CDK6: variants seen among roughly 807,000 people sequenced by gnomAD.
CDK6 encodes cyclin-dependent kinase 6.
CDK6 carries 6 observed loss-of-function variants against 37.1 expected under a neutral mutation model. That is an observed-to-expected ratio of 0.16 (90% confidence interval 0.09 to 0.32). CDK6 has a LOEUF of 0.32. Among genes scored for constraint, CDK6 ranks in the 10% least tolerant of loss-of-function variants. CDK6 has a pLI of 1.00. For missense variants in CDK6, 224 were observed against 418.9 expected, an observed-to-expected ratio of 0.53 and a Z score of 4.06; for synonymous variants, 160 against 161.3, an observed-to-expected ratio of 0.99 and a Z score of 0.06.
intron 4 of CDK6, among the ~76,000 whole-genome samples, chr7:92,723,550 A>G (rs893743125): frequency 6.6e-6 from 1 of 152,208 alleles, no homozygotes; most frequent in African/African-American, 2.4e-5. Flanking sequence ...ACGCATTACT[A>G]TATTAAATGG....
rs532043327 is a variant in CDK6 at position 92,786,656 on chromosome 7, T to A, written c.234-11825A>T. Among the ~76,000 whole-genome samples, 70 of 146,276 alleles carry A rather than the reference T, an allele frequency of 4.8e-4. 1 individual carries two copies. Among genetic ancestry groups the A allele is most frequent in the African/African-American group, 1.3e-3 (54 of 40,100 alleles). ...GTATACATATATATATATATATATA[T>A]AAATAATCTGGCTCTGTGTGTGTAT... On this transcript the variant is annotated intron_variant, in intron 2 of 7. Coordinates refer to ENST00000424848, the MANE Select transcript of CDK6 (RefSeq NM_001145306.2).
At chr7:92,662,045 T>C (rs1585378578) in intron 5 of CDK6, among the ~76,000 whole-genome samples, 1 of 152,064 alleles carries the variant, frequency 6.6e-6, no homozygotes, top group East Asian at 1.9e-4. Flanking sequence ...TTTTCCAGAA[T>C]GGAGAGACAA....
chr7:92,762,616 G>GTA (rs1799484790), intron 3 of CDK6, among the ~76,000 whole-genome samples: 1 of 147,968 alleles, frequency 6.8e-6, no homozygotes, highest in Non-Finnish European at 1.5e-5. Flanking sequence ...CACCCAGGCT[G>GTA]TAGCGCAGTG....
intron 4 of CDK6, among the ~76,000 whole-genome samples, chr7:92,700,058 G>C (rs1262484697): frequency 6.6e-6 from 1 of 152,196 alleles, no homozygotes; most frequent in East Asian, 1.9e-4. Context: ...CCACAGGGGT[G>C]AGGCGGGGTG....
chr7:92,716,029 T>C (rs1201435899), intron 4 of CDK6, among the ~76,000 whole-genome samples: 24 of 152,166 alleles, frequency 1.6e-4, no homozygotes, highest in Admixed American at 1.6e-3. Flanking sequence ...CAGACACACA[T>C]TCAAAGTGTA....
At chr7:92,727,912 C>T (rs907833435) in intron 3 of CDK6, among the ~76,000 whole-genome samples, 5 of 152,140 alleles carry the variant, frequency 3.3e-5, no homozygotes, top group African/African-American at 1.2e-4. Context: ...AACACATGCA[C>T]ACAACTTGTA....
At chr7:92,820,831 AACAG>A (rs1801153803) in intron 2 of CDK6, among the ~76,000 whole-genome samples, 1 of 152,050 alleles carries the variant, frequency 6.6e-6, no homozygotes, top group Non-Finnish European at 1.5e-5. Flanking sequence ...AAGCACCAAA[AACAG>A]ACAGTGAAAA....
intron 3 of CDK6, among the ~76,000 whole-genome samples, chr7:92,738,397 T>G (rs1309526264): frequency 2.0e-5 from 3 of 152,136 alleles, no homozygotes; most frequent in Admixed American, 1.3e-4. Context: ...CCCAGCACTT[T>G]GGGAGGCCAT....
chr7:92,623,488 C>A (rs749659464), intron 5 of CDK6, among the ~76,000 whole-genome samples: 2 of 152,204 alleles, frequency 1.3e-5, no homozygotes, highest in Non-Finnish European at 2.9e-5. Context: ...TTCCATACTA[C>A]TCTGCTATCA....
chr7:92,771,642 G>A (rs970269713), intron 3 of CDK6, among the ~76,000 whole-genome samples: 2 of 152,098 alleles, frequency 1.3e-5, no homozygotes, highest in East Asian at 1.9e-4. Flanking sequence ...TTCAGAGCAG[G>A]TCCTCTCTTT....
intron 3 of CDK6, among the ~76,000 whole-genome samples, chr7:92,767,571 T>C (rs774911431): frequency 2.6e-5 from 4 of 152,190 alleles, no homozygotes; most frequent in Admixed American, 6.5e-5. Context: ...ATTTGGAATA[T>C]ACTCAGTATT....
intron 4 of CDK6, among the ~76,000 whole-genome samples, chr7:92,705,464 G>A (rs1392461848): frequency 6.6e-6 from 1 of 152,170 alleles, no homozygotes; most frequent in Non-Finnish European, 1.5e-5. Flanking sequence ...GTCTCAAAGA[G>A]CTTTGAGCAG....
intron 4 of CDK6, among the ~76,000 whole-genome samples, chr7:92,686,260 G>A (rs1034947991): frequency 3.9e-5 from 6 of 152,098 alleles, no homozygotes; most frequent in Non-Finnish European, 7.4e-5. Flanking sequence ...TACCCAATGT[G>A]TAGTCTTTTA....
chr7:92,789,771 T>A (rs1014807034), intron 2 of CDK6, among the ~76,000 whole-genome samples: 13 of 152,336 alleles, frequency 8.5e-5, no homozygotes, highest in Non-Finnish European at 1.6e-4. Context: ...AATATCCTTA[T>A]AAAGTATATA....
chr7:92,799,197 A>C (rs953157700), intron 2 of CDK6, among the ~76,000 whole-genome samples: 1 of 152,084 alleles, frequency 6.6e-6, no homozygotes, highest in African/African-American at 2.4e-5. Flanking sequence ...TTTGTGCTAC[A>C]CTTTCTCACT....
Position 92,671,505 on chromosome 7 carries a change from C to G in CDK6, c.568G>C (p.Val190Leu), listed in dbSNP as rs2116603155. The change falls in exon 5 of 8, where the codon GTC (valine) becomes CTC (leucine). Residue 190 changes from valine (V) to leucine (L), a missense_variant. Physicochemically the swap from Val to Leu is conservative, Grantham distance 32. Transcript: ENST00000424848. ...GTGGCGTAGCTGGACTGGAGCAAGACTTCGGGTGCTCTGTACCACAGCGTG... is the reference window on the plus strand; with the variant it reads ...GTGGCGTAGCTGGACTGGAGCAAGAGTTCGGGTGCTCTGTACCACAGCGTG... Reference protein sequence around the residue: ...VVTLWYRAPEVLLQSSYATPV... With the variant: ...VVTLWYRAPELLLQSSYATPV... The G allele has an allele frequency of 6.3e-7, 1 of 1,586,016 alleles. No homozygotes were observed. Among genetic ancestry groups the G allele is most frequent in the Non-Finnish European group, 8.6e-7 (1 of 1,166,228 alleles).
rs955147528 is a variant in CDK6 at position 92,609,500 on chromosome 7, T to C, written c.*5640A>G. The C allele has an allele frequency of 9.2e-5, 21 of 229,044 alleles. No homozygotes were observed. The highest frequency in any genetic ancestry group is 4.2e-4 in the African/African-American group (19 of 45,098). 14.2% of individuals were successfully genotyped at this position (229,044 alleles called of 1,614,324 possible). A position where few individuals can be genotyped will look rare whatever the true frequency, so the allele number is the denominator to read the frequency against. On this transcript the variant is annotated 3_prime_UTR_variant, in exon 8 of 8. Coordinates refer to ENST00000424848, the MANE Select transcript of CDK6 (RefSeq NM_001145306.2). The stretch of plus-strand genomic sequence containing the variant: ...TTCCACAAATGTTAAAATTACCTGG[T>C]CTTTTGGTATTTTAGGGCTCTGTTT...
At chr7:92,810,490 C>T (rs1192288822) in intron 2 of CDK6, among the ~76,000 whole-genome samples, 1 of 152,184 alleles carries the variant, frequency 6.6e-6, no homozygotes, top group Non-Finnish European at 1.5e-5. Context: ...TAACAATCCT[C>T]CCCCAGTCTC....
chr7:92,729,572 C>A (rs1231472845), intron 3 of CDK6, among the ~76,000 whole-genome samples: 1 of 152,164 alleles, frequency 6.6e-6, no homozygotes, highest in African/African-American at 2.4e-5. Flanking sequence ...CTTGGCAATG[C>A]CCCTAAAAAG....
Sources: allele counts gnomAD v4.1 joint callset (sites outside exome capture counted in the v4.1 genomes callset), GRCh38; gene constraint gnomAD v4.1.1; transcripts MANE v1.5; gene names NCBI Gene and HGNC (gene_info 2026-07-23, HGNC 2026-07-21).